CNTNAP2: variants seen among roughly 807,000 people sequenced by gnomAD.
CNTNAP2 encodes contactin associated protein 2.
CNTNAP2 carries 98 observed loss-of-function variants against 155.2 expected under a neutral mutation model. That is an observed-to-expected ratio of 0.63 (90% CI 0.54 to 0.75). CNTNAP2 has a LOEUF of 0.75. Ranked by LOEUF, CNTNAP2 falls within the 30% of genes least tolerant of loss-of-function variation. The pLI is 0.00. For synonymous variants in CNTNAP2, 651 were observed against 631.2 expected (o/e 1.03, Z -0.47); for missense variants, 1,727 against 1,688.1 (o/e 1.02, Z -0.40).
At chr7:147,621,195 T>A (rs1234019838) in intron 12 of CNTNAP2, among the ~76,000 whole-genome samples, 1 of 152,072 alleles carries the variant, frequency 6.6e-6, no homozygotes, top group Non-Finnish European at 1.5e-5. Context: ...AGCTGAGGGA[T>A]TTTATCAACA....
intron 9 of CNTNAP2, among the ~76,000 whole-genome samples, chr7:147,315,946 CATATATGTGTGTAT>C (rs1009965944): frequency 1.4e-4 from 22 of 151,874 alleles, no homozygotes; most frequent in Non-Finnish European, 3.1e-4. Context: ...TATGTATATA[CATATATGTGTGTAT>C]ATATATGTGT....
At chr7:147,570,163 C>CA (rs144961798) in intron 12 of CNTNAP2, among the ~76,000 whole-genome samples, 31,056 of 151,976 alleles carry the variant, frequency 0.2, 3,412 homozygotes, top group Admixed American at 0.29. Context: ...ATTACACCTG[C>CA]AAAATCTCTT....
At chr7:147,178,056 C>G (rs963683061) in intron 8 of CNTNAP2, among the ~76,000 whole-genome samples, 3 of 152,112 alleles carry the variant, frequency 2.0e-5, no homozygotes, top group Admixed American at 1.3e-4. Flanking sequence ...ATCCGCCCCC[C>G]CACCACGAAG....
chr7:146,548,483 A>C (rs1356521795), intron 1 of CNTNAP2, among the ~76,000 whole-genome samples: 3 of 152,026 alleles, frequency 2.0e-5, no homozygotes, highest in Non-Finnish European at 4.4e-5. Flanking sequence ...AACATAAATC[A>C]TTCCATTATT....
chr7:147,880,962 TA>T (rs949169453), intron 13 of CNTNAP2, among the ~76,000 whole-genome samples: 6 of 150,024 alleles, frequency 4.0e-5, no homozygotes, highest in African/African-American at 1.5e-4. Context: ...GAATAAATAA[TA>T]ATGTACATCT....
At chr7:146,186,651 A>G (rs1354307108) in intron 1 of CNTNAP2, among the ~76,000 whole-genome samples, 1 of 152,192 alleles carries the variant, frequency 6.6e-6, no homozygotes, top group Non-Finnish European at 1.5e-5. Context: ...CAATTTGGAT[A>G]TGAAATCCTT....
At chr7:147,876,914 G>A (rs756666197) in intron 13 of CNTNAP2, among the ~76,000 whole-genome samples, 1 of 152,078 alleles carries the variant, frequency 6.6e-6, no homozygotes, top group Non-Finnish European at 1.5e-5. Flanking sequence ...GTGGAGAGGA[G>A]GATATTATAG....
intron 3 of CNTNAP2, among the ~76,000 whole-genome samples, chr7:147,031,074 C>G (rs1239141753): frequency 6.6e-6 from 1 of 152,016 alleles, no homozygotes; most frequent in African/African-American, 2.4e-5. Context: ...ACCTCCAAAC[C>G]TCTGCTTCTT....
At chr7:148,148,610 G>A (rs1300244490) in intron 17 of CNTNAP2, among the ~76,000 whole-genome samples, 1 of 152,206 alleles carries the variant, frequency 6.6e-6, no homozygotes, top group African/African-American at 2.4e-5. Context: ...CATAACACCT[G>A]CCACTTGGGC....
intron 15 of CNTNAP2, among the ~76,000 whole-genome samples, chr7:148,045,386 G>GCCTA (rs1274615104): frequency 6.6e-6 from 1 of 152,186 alleles, no homozygotes; most frequent in African/African-American, 2.4e-5. Context: ...CTGTGCCTGA[G>GCCTA]CGGTAGTAAC....
intron 13 of CNTNAP2, among the ~76,000 whole-genome samples, chr7:147,771,018 T>C (rs1797460404): frequency 6.6e-6 from 1 of 152,158 alleles, no homozygotes; most frequent in African/African-American, 2.4e-5. Context: ...ATTAATGGAA[T>C]AGAATAGAGG....
chr7:148,293,756 C>CG (rs1797233401), intron 21 of CNTNAP2, among the ~76,000 whole-genome samples: 1 of 152,042 alleles, frequency 6.6e-6, no homozygotes, highest in African/African-American at 2.4e-5. Context: ...CCAAAACCCC[C>CG]GGGCACAGTG....
intron 1 of CNTNAP2, among the ~76,000 whole-genome samples, chr7:146,440,447 A>G (rs1283328755): frequency 2.0e-5 from 3 of 151,540 alleles, no homozygotes; most frequent in Admixed American, 2.0e-4. Flanking sequence ...AAAGAGTGTA[A>G]TGAAAGCCCT....
intron 1 of CNTNAP2, among the ~76,000 whole-genome samples, chr7:146,177,249 A>G (rs184255732): frequency 7.2e-5 from 11 of 152,298 alleles, no homozygotes; most frequent in Non-Finnish European, 1.2e-4. Context: ...TTGCTTGACT[A>G]AGTTCTTTTG....
Position 146,310,537 on chromosome 7 carries a change from T to G in CNTNAP2, c.97+193564T>G, listed in dbSNP as rs1584862458. On this transcript the variant is annotated intron_variant, in intron 1 of 23. Transcript: ENST00000361727. ...GTACTATTTTCCTGTTTTTTTTTCT[T>G]TTGTCTTCTTTGGCTATTTTGATGC... Among the ~76,000 whole-genome samples, 4 of 152,178 alleles carry G rather than the reference T, an allele frequency of 2.6e-5. No homozygotes were observed. In the South Asian group the frequency reaches 6.2e-4, roughly 24 times the overall value.
chr7:146,322,544 A>G (rs747278187), intron 1 of CNTNAP2, among the ~76,000 whole-genome samples: 4 of 151,154 alleles, frequency 2.6e-5, no homozygotes, highest in Non-Finnish European at 5.9e-5. Flanking sequence ...GAAACATACA[A>G]ATTTAAATTT....
intron 8 of CNTNAP2, among the ~76,000 whole-genome samples, chr7:147,160,782 G>T (rs886380198): frequency 6.6e-6 from 1 of 152,118 alleles, no homozygotes; most frequent in Non-Finnish European, 1.5e-5. Context: ...AGGAATTAAA[G>T]ATGAAAAGTA....
At chr7:147,598,643 CTAAGAA>C (rs1206568119) in intron 12 of CNTNAP2, among the ~76,000 whole-genome samples, 2 of 152,112 alleles carry the variant, frequency 1.3e-5, no homozygotes, top group Non-Finnish European at 2.9e-5. Flanking sequence ...TGTGAGCTTA[CTAAGAA>C]TATTTTCTTA....
intron 1 of CNTNAP2, among the ~76,000 whole-genome samples, chr7:146,186,157 G>A (rs1238805450): frequency 6.6e-6 from 1 of 151,968 alleles, no homozygotes; most frequent in Non-Finnish European, 1.5e-5. Flanking sequence ...ATTCTACTCT[G>A]CATATTACTG....
Sources: allele counts gnomAD v4.1 joint callset (sites outside exome capture counted in the v4.1 genomes callset), GRCh38; gene constraint gnomAD v4.1.1; transcripts MANE v1.5; gene names NCBI Gene and HGNC (gene_info 2026-07-23, HGNC 2026-07-21).